The following SAXO1 variants were observed in gnomAD, a reference collection of about 807,000 sequenced individuals.
SAXO1 encodes the protein stabilizer of axonemal microtubules 1.
SAXO1 carries 21 observed loss-of-function variants against 17.5 expected under a neutral mutation model. The ratio of observed to expected loss-of-function variants is 1.20; its 90% CI spans 0.85 to 1.72. The LOEUF (loss-of-function observed/expected upper bound fraction) is 1.72. Among genes scored for constraint, SAXO1 ranks in the 40% most tolerant of loss-of-function variants. The pLI is 0.00. For synonymous variants in SAXO1, 274 were observed against 216.5 expected, an observed-to-expected ratio of 1.27 and a Z score of -2.33; for missense variants, 843 against 596.0, an observed-to-expected ratio of 1.41 and a Z score of -4.32.
intron 1 of SAXO1, among the ~76,000 whole-genome samples, chr9:19,004,420 T>G (rs957356012): frequency 6.6e-6 from 1 of 152,204 alleles, no homozygotes; most frequent in African/African-American, 2.4e-5. Context: ...TGCACATATA[T>G]GTTTATTGCG....
At chr9:18,951,572 G>A (rs1279083261) in intron 1 of SAXO1, among the ~76,000 whole-genome samples, 1 of 151,976 alleles carries the variant, frequency 6.6e-6, no homozygotes, top group African/African-American at 2.4e-5. Flanking sequence ...AAAGACTTCC[G>A]CCAATCATCT....
intron 1 of SAXO1, among the ~76,000 whole-genome samples, chr9:18,971,227 A>G (rs1482127064): frequency 2.6e-5 from 4 of 152,188 alleles, no homozygotes; most frequent in Non-Finnish European, 5.9e-5. Flanking sequence ...GCCAAATTCA[A>G]TTGAGCAGCG....
intron 1 of SAXO1, among the ~76,000 whole-genome samples, chr9:19,040,600 C>T (rs1836055671): frequency 2.6e-5 from 4 of 151,628 alleles, no homozygotes; most frequent in Admixed American, 6.6e-5. Flanking sequence ...GCCAAGATGG[C>T]GCCACTGCAT....
intron 1 of SAXO1, among the ~76,000 whole-genome samples, chr9:19,009,538 GACCCCAGGTGGAAA>G (rs1435506031): frequency 6.6e-6 from 1 of 152,068 alleles, no homozygotes; most frequent in Non-Finnish European, 1.5e-5. Flanking sequence ...AAACTCCCGA[GACCCCAGGTGGAAA>G]CTGTGAAGTA....
chr9:19,043,537 C>T (rs1761139176), intron 1 of SAXO1, among the ~76,000 whole-genome samples: 2 of 151,924 alleles, frequency 1.3e-5, no homozygotes. Context: ...GAGGCCAAGG[C>T]GGGCAGATCA....
chr9:19,035,880 C>T (rs1563996485), upstream of SAXO1, among the ~76,000 whole-genome samples: 1 of 152,178 alleles, frequency 6.6e-6, no homozygotes, highest in African/African-American at 2.4e-5. Flanking sequence ...AAGCATTTAA[C>T]AGGTGACTTG....
intron 1 of SAXO1, among the ~76,000 whole-genome samples, chr9:18,974,857 T>C (rs1833074853): frequency 1.3e-5 from 2 of 152,184 alleles, no homozygotes; most frequent in African/African-American, 4.8e-5. Context: ...CAACCATGGA[T>C]GGATGCTAAG....
chr9:18,976,839 C>G (rs1173776749), intron 1 of SAXO1, among the ~76,000 whole-genome samples: 1 of 152,242 alleles, frequency 6.6e-6, no homozygotes, highest in Non-Finnish European at 1.5e-5. Flanking sequence ...CATACATGCA[C>G]ACGTGTGCAC....
intron 2 of SAXO1, among the ~76,000 whole-genome samples, chr9:18,949,683 C>T (rs139692780): frequency 1.2e-5 from 1 of 80,112 alleles, no homozygotes; most frequent in African/African-American, 3.6e-5. Context: ...AACTCACAGT[C>T]TCAGATGTTT....
intron 1 of SAXO1, among the ~76,000 whole-genome samples, chr9:18,968,206 T>C (rs997372848): frequency 6.6e-6 from 1 of 152,296 alleles, no homozygotes; most frequent in East Asian, 1.9e-4. Flanking sequence ...ATCTTGCCAG[T>C]CTTCCCTTTT....
chr9:18,938,049 A>G (rs1026165255), intron 3 of SAXO1, among the ~76,000 whole-genome samples: 2 of 152,186 alleles, frequency 1.3e-5, no homozygotes, highest in African/African-American at 2.4e-5. Context: ...TCAAATGCAC[A>G]TGTTCCAAGA....
intron 1 of SAXO1, among the ~76,000 whole-genome samples, chr9:18,964,929 G>C (rs928087435): frequency 6.6e-6 from 1 of 152,190 alleles, no homozygotes; most frequent in African/African-American, 2.4e-5. Flanking sequence ...TGCTTTAGCT[G>C]TATCCCAGAG....
At chr9:19,000,126 G>A (rs1171635112) in intron 1 of SAXO1, among the ~76,000 whole-genome samples, 10 of 145,076 alleles carry the variant, frequency 6.9e-5, no homozygotes, top group East Asian at 2.1e-4. Context: ...ACCTCTGTCC[G>A]GCTGTCCCAC....
At chr9:19,007,563 T>G (rs7858618) in intron 1 of SAXO1, among the ~76,000 whole-genome samples, 129,146 of 152,088 alleles carry the variant, frequency 0.85, 55,108 homozygotes, top group African/African-American at 0.92. Context: ...ATTCCAGAGT[T>G]TTACCCTAGG....
At chr9:18,929,302 T>A (rs1319585735) in intron 3 of SAXO1, among the ~76,000 whole-genome samples, 1 of 152,228 alleles carries the variant, frequency 6.6e-6, no homozygotes, top group Non-Finnish European at 1.5e-5. Context: ...TGCAGGGATC[T>A]TAGAGGGTCC....
At chr9:19,000,605 C>T (rs1208935883) in intron 1 of SAXO1, among the ~76,000 whole-genome samples, 5 of 152,232 alleles carry the variant, frequency 3.3e-5, no homozygotes, top group African/African-American at 1.2e-4. Context: ...CTCTGCCCAG[C>T]CACTGTGCAA....
At chr9:18,986,074 C>T (rs1011453067) in intron 1 of SAXO1, among the ~76,000 whole-genome samples, 1 of 152,168 alleles carries the variant, frequency 6.6e-6, no homozygotes, top group Non-Finnish European at 1.5e-5. Flanking sequence ...TCATTCTTAG[C>T]AGAGATCCTT....
intron 1 of SAXO1, among the ~76,000 whole-genome samples, chr9:19,002,058 G>C (rs11793750): frequency 0.041 from 6,290 of 152,198 alleles, 155 homozygotes; most frequent in Non-Finnish European, 0.058. Flanking sequence ...AAATGATAAA[G>C]GGGATATCAC....
At chr9:18,982,020 C>T (rs570258817) in intron 1 of SAXO1, among the ~76,000 whole-genome samples, 7 of 152,296 alleles carry the variant, frequency 4.6e-5, no homozygotes, top group Admixed American at 2.0e-4. Context: ...TCCCAGACCA[C>T]GCCAGAGCGA....
Sources: allele counts gnomAD v4.1 joint callset (sites outside exome capture counted in the v4.1 genomes callset), GRCh38; gene constraint gnomAD v4.1.1; transcripts MANE v1.5; gene names NCBI Gene and HGNC (gene_info 2026-07-23, HGNC 2026-07-21).